The following PRKCB variants were observed in gnomAD, a reference collection of about 807,000 sequenced individuals.
PRKCB encodes the protein protein kinase C beta type.
A neutral mutation model predicts 81.5 loss-of-function variants in PRKCB; 13 were observed. That is an observed-to-expected ratio of 0.16 (90% CI 0.10 to 0.25). The LOEUF (loss-of-function observed/expected upper bound fraction) is 0.25, where lower values mean the gene tolerates loss of function less well. PRKCB is among the 10% of genes least tolerant of loss of function. The pLI, the probability that PRKCB is intolerant of heterozygous loss-of-function variation, is 1.00. For synonymous variants in PRKCB, 335 were observed against 321.4 expected, an observed-to-expected ratio of 1.04 and a Z score of -0.45; for missense variants, 509 against 875.7, an observed-to-expected ratio of 0.58 and a Z score of 5.29.
chr16:23,867,033 C>T (rs61298607), intron 2 of PRKCB, among the ~76,000 whole-genome samples: 5 of 71,848 alleles, frequency 7.0e-5, no homozygotes, highest in African/African-American at 2.0e-4. Flanking sequence ...TCCTTCCTTC[C>T]TTCCTTCCTT....
chr16:24,184,548 T>C (rs57598554), intron 13 of PRKCB, among the ~76,000 whole-genome samples: 1 of 152,200 alleles, frequency 6.6e-6, no homozygotes, highest in African/African-American at 2.4e-5. Context: ...TAATATGTAT[T>C]CAGAGAAAAG....
chr16:24,078,903 G>A (rs570487497), intron 5 of PRKCB, among the ~76,000 whole-genome samples: 8 of 152,266 alleles, frequency 5.3e-5, no homozygotes, highest in Non-Finnish European at 1.0e-4. Flanking sequence ...AAACCTCCAA[G>A]ATTTCAAAGC....
Position 23,921,129 on chromosome 16 carries a change from C to T in PRKCB, c.206-67379C>T, listed in dbSNP as rs79576944. Among the ~76,000 whole-genome samples the T allele has an allele frequency of 7.6e-3, 1,162 of 152,252 alleles. 8 individuals carry two copies. Among genetic ancestry groups the T allele is most frequent in the African/African-American group, 0.027 (1,113 of 41,526 alleles). On this transcript the variant is annotated intron_variant, in intron 2 of 16. Coordinates refer to ENST00000643927, the MANE Select transcript of PRKCB (RefSeq NM_002738.7). ...TTCAGTTATTTCCACCTAGCCCCAC[C>T]CTTGACATGCAGGGATTATTACAAT...
chr16:24,122,449 C>CTTTTTTTTTT lies in PRKCB; in HGVS notation c.919-1376_919-1367dup, dbSNP rs35364143. ...CATGTCAGAGGATTCTACCACGAGG[C>CTTTTTTTTTT]TTTTTTTTTTTTTTTTTTTAGTGAG... On this transcript the variant is annotated intron_variant, in intron 8 of 16. Transcript: ENST00000643927. Among the ~76,000 whole-genome samples, 18 of 97,646 alleles carry CTTTTTTTTTT rather than the reference C, an allele frequency of 1.8e-4. 2 individuals carry two copies. Among genetic ancestry groups the CTTTTTTTTTT allele is most frequent in the African/African-American group, 8.7e-4 (16 of 18,388 alleles). The allele number at this position is 97,646 out of a possible 152,430, so 64.1% of individuals were successfully genotyped here. A position where few individuals can be genotyped will look rare whatever the true frequency, so the allele number is the denominator to read the frequency against.
At chr16:24,131,500 A>G (rs971287067) in intron 9 of PRKCB, among the ~76,000 whole-genome samples, 4 of 152,280 alleles carry the variant, frequency 2.6e-5, no homozygotes, top group African/African-American at 9.6e-5. Flanking sequence ...CAGACCGTAC[A>G]ACAGAGTTGA....
chr16:24,174,396 T>G, intron 11 of PRKCB, 122 bp from the exon 12 acceptor site: 1 of 841,608 alleles, frequency 1.2e-6, no homozygotes, highest in Admixed American at 2.5e-5. Flanking sequence ...GCTATATAGC[T>G]GACCATCCAT....
chr16:23,961,138 G>A (rs775686571), intron 2 of PRKCB, among the ~76,000 whole-genome samples: 8 of 151,876 alleles, frequency 5.3e-5, no homozygotes, highest in Non-Finnish European at 1.2e-4. Flanking sequence ...TGGAATCCTA[G>A]GCTCAAGCGA....
At position 24,165,503 on chromosome 16, in the gene PRKCB, A is replaced by C. The variant is rs79985985; in HGVS notation, c.1240-6767A>C. Among the ~76,000 whole-genome samples, 19 of 152,346 alleles carry C rather than the reference A, an allele frequency of 1.2e-4. No individual in the cohort carries two copies. The East Asian group carries it at 3.5e-3, about 28-fold the overall frequency. The stretch of plus-strand genomic sequence containing the variant: ...AAATAAGCGCTCGATGAAAGTTCTA[A>C]AACTCACTTCTCTGCTCCAGATTGG... On this transcript the variant is annotated intron_variant, in intron 10 of 16. Transcript: ENST00000643927.
At chr16:23,945,254 T>TTAGCAG (rs1446422134) in intron 2 of PRKCB, among the ~76,000 whole-genome samples, 1 of 152,162 alleles carries the variant, frequency 6.6e-6, no homozygotes, top group Non-Finnish European at 1.5e-5. Flanking sequence ...ACTCAATTCC[T>TTAGCAG]GCTATGTGTG....
intron 2 of PRKCB, among the ~76,000 whole-genome samples, chr16:23,905,042 CTTTTTTTTTT>C (rs1227867693): frequency 1.1e-3 from 125 of 110,238 alleles, no homozygotes; most frequent in East Asian, 7.9e-3. Context: ...CTTTTTTTTT[CTTTTTTTTTT>C]TTTTAATAAA....
rs185775718 is a variant in PRKCB, at chr16:23,967,440, G to T, written c.206-21068G>T. 2.6e-3 allele frequency among the ~76,000 whole-genome samples: 392 copies of T among 152,292 alleles called. 11 individuals are homozygous for T. Among genetic ancestry groups the T allele is most frequent in the Admixed American group, 0.025 (379 of 15,300 alleles). ...CCACCTTTGAAGCCAGAAAATTAAT[G>T]ATCTCTGTTGCCTGAATCTTTTCAA... On this transcript the variant is annotated intron_variant, in intron 2 of 16. Coordinates refer to ENST00000643927, the MANE Select transcript of PRKCB (RefSeq NM_002738.7).
At chr16:24,192,614 T>A (rs72779991) in intron 16 of PRKCB, among the ~76,000 whole-genome samples, 3,660 of 152,226 alleles carry the variant, frequency 0.024, 56 homozygotes, top group Middle Eastern at 0.075. Flanking sequence ...CACGCTCCCA[T>A]CCCCACCAGC....
chr16:24,204,858 A>T (rs1193976047), intron 16 of PRKCB, among the ~76,000 whole-genome samples: 1 of 152,162 alleles, frequency 6.6e-6, no homozygotes, highest in Non-Finnish European at 1.5e-5. Flanking sequence ...ACAGAGGCTC[A>T]TGCCTGTAAT....
chr16:24,168,541 C>CTATTTTTTT (rs1967383324), intron 10 of PRKCB, among the ~76,000 whole-genome samples: 2 of 76,330 alleles, frequency 2.6e-5, no homozygotes, highest in African/African-American at 3.9e-5. Flanking sequence ...TCTTCTTCTA[C>CTATTTTTTT]TTTTTTTTTT....
chr16:24,033,210 T>C (rs1965570418), intron 4 of PRKCB, among the ~76,000 whole-genome samples: 2 of 151,838 alleles, frequency 1.3e-5, no homozygotes, highest in Non-Finnish European at 2.9e-5. Flanking sequence ...GTGGTACTGC[T>C]CTCCCAAGGG....
chr16:24,076,894 G>A (rs1463443745), intron 5 of PRKCB, among the ~76,000 whole-genome samples: 2 of 152,080 alleles, frequency 1.3e-5, no homozygotes, highest in Non-Finnish European at 1.5e-5. Flanking sequence ...GATGGTCATC[G>A]GATTTGTATT....
At chr16:24,048,143 C>T (rs529032511) in intron 5 of PRKCB, among the ~76,000 whole-genome samples, 69 of 152,346 alleles carry the variant, frequency 4.5e-4, no homozygotes, top group African/African-American at 1.5e-3. Context: ...AACCAAGGGA[C>T]GGACACCTCT....
intron 2 of PRKCB, among the ~76,000 whole-genome samples, chr16:23,938,628 G>C (rs1964094777): frequency 6.6e-6 from 1 of 152,116 alleles, no homozygotes; most frequent in African/African-American, 2.4e-5. Context: ...ATAGGAGCAA[G>C]GATATGAAAA....
chr16:23,887,161 G>A (rs1463111078), intron 2 of PRKCB, among the ~76,000 whole-genome samples: 1 of 151,968 alleles, frequency 6.6e-6, no homozygotes, highest in African/African-American at 2.4e-5. Context: ...AGACAGATAT[G>A]CTTGTAGGAT....
Sources: gnomAD v4.1 joint callset for allele counts (sites outside exome capture counted in the v4.1 genomes callset) on GRCh38, gnomAD v4.1.1 for gene constraint, MANE v1.5 for transcripts, NCBI Gene and HGNC (gene_info 2026-07-23, HGNC 2026-07-21) for gene names.